The following EPHB1 variants were observed in gnomAD, a reference collection of about 807,000 sequenced individuals.
EPHB1 encodes the protein EPH receptor B1, also known as ephrin type-B receptor 1.
EPHB1 carries 30 observed loss-of-function variants against 94.4 expected under a neutral mutation model. The ratio of observed to expected loss-of-function variants is 0.32; its 90% CI spans 0.24 to 0.43. The LOEUF (loss-of-function observed/expected upper bound fraction) is 0.43, where lower values mean the gene tolerates loss of function less well. Among genes scored for constraint, EPHB1 ranks in the 20% least tolerant of loss-of-function variants. The probability of loss-of-function intolerance (pLI) is 1.00; values close to 1 mark genes in which losing one functional copy is unlikely to be tolerated. For synonymous variants in EPHB1, 522 were observed against 489.1 expected, an observed-to-expected ratio of 1.07 and a Z score of -0.89; for missense variants, 1,055 against 1,308.3, an observed-to-expected ratio of 0.81 and a Z score of 2.99.
At chr3:135,250,255 T>C (rs1053860531) in intron 15 of EPHB1, among the ~76,000 whole-genome samples, 3 of 152,174 alleles carry the variant, frequency 2.0e-5, no homozygotes, top group African/African-American at 7.2e-5. Flanking sequence ...TTAAATACCA[T>C]AGAACCATAT....
At chr3:135,013,794 T>C (rs1935699386) in intron 3 of EPHB1, among the ~76,000 whole-genome samples, 1 of 152,224 alleles carries the variant, frequency 6.6e-6, no homozygotes, top group Non-Finnish European at 1.5e-5. Flanking sequence ...GTTAGCACAT[T>C]GTAAACACTT....
intron 5 of EPHB1, among the ~76,000 whole-genome samples, chr3:135,137,470 C>T (rs1400482207): frequency 3.3e-5 from 5 of 152,164 alleles, no homozygotes; most frequent in African/African-American, 4.8e-5. Flanking sequence ...ATCTGATTAA[C>T]CCAAGTCTTA....
intron 10 of EPHB1, among the ~76,000 whole-genome samples, chr3:135,191,272 C>G (rs1942449381): frequency 6.6e-6 from 1 of 152,182 alleles, no homozygotes; most frequent in Non-Finnish European, 1.5e-5. Context: ...AGCCTCTACT[C>G]CAGCCCCAGG....
chr3:134,986,650 C>T (rs560204571), intron 3 of EPHB1, among the ~76,000 whole-genome samples: 134 of 151,458 alleles, frequency 8.8e-4, no homozygotes, highest in African/African-American at 3.0e-3. Context: ...TCAGACTTTG[C>T]GGCCAAAAAT....
At chr3:134,986,912 C>T (rs1010540547) in intron 3 of EPHB1, among the ~76,000 whole-genome samples, 3 of 152,150 alleles carry the variant, frequency 2.0e-5, no homozygotes, top group Admixed American at 6.5e-5. Flanking sequence ...TTGTGAAAAT[C>T]TCACCACATT....
chr3:135,179,559 AC>A (rs1179647826), intron 9 of EPHB1, among the ~76,000 whole-genome samples: 1 of 152,180 alleles, frequency 6.6e-6, no homozygotes, highest in Non-Finnish European at 1.5e-5. Flanking sequence ...TTCTGTGAGC[AC>A]CCGGTGTGGG....
intron 3 of EPHB1, among the ~76,000 whole-genome samples, chr3:135,054,352 A>T (rs1341978188): frequency 6.6e-6 from 1 of 152,088 alleles, no homozygotes; most frequent in Non-Finnish European, 1.5e-5. Context: ...CAGTCCCCAC[A>T]CTTGCATGAG....
intron 1 of EPHB1, among the ~76,000 whole-genome samples, chr3:134,807,524 TGC>T (rs1553852686): frequency 4.6e-5 from 6 of 130,316 alleles, no homozygotes; most frequent in Non-Finnish European, 1.6e-5. Flanking sequence ...TGTGTGTGTG[TGC>T]ACGTGTGTGT....
intron 1 of EPHB1, among the ~76,000 whole-genome samples, chr3:134,895,618 A>G (rs1418731021): frequency 6.6e-6 from 1 of 152,230 alleles, no homozygotes; most frequent in East Asian, 1.9e-4. Context: ...GCACTTTTCC[A>G]GTTAAAAATG....
In EPHB1 at chr3:135,192,790, C is replaced by T; in HGVS notation, c.2097C>T (p.Phe699=). ...KSRPVMIITE[F]MENGALDSFL... ...GGCCTGTCATGATCATCACAGAGTTCATGGAGAATGGTGCATTGGATTCTT... is the reference window on the plus strand; with the variant it reads ...GGCCTGTCATGATCATCACAGAGTTTATGGAGAATGGTGCATTGGATTCTT... The change falls in exon 11 of 16, where the codon TTC becomes TTT. Residue 699 remains phenylalanine (F), a synonymous_variant. Transcript: ENST00000398015. The T allele has an allele frequency of 6.2e-7, 1 of 1,614,100 alleles. No homozygotes were observed. The highest frequency in any genetic ancestry group is 8.5e-7 in the Non-Finnish European group (1 of 1,180,000).
In EPHB1 at chr3:134,814,202, C is replaced by G. The variant is rs535280774; in HGVS notation, c.58+18513C>G. 4.6e-5 allele frequency among the ~76,000 whole-genome samples: 7 copies of G among 152,282 alleles called. No individual in the cohort carries two copies. In the South Asian group the frequency reaches 1.2e-3, roughly 27 times the overall value. ...AACCTGAATGTCTGGTTGTGGAGAT[C>G]AGACTGATATACCTGTTGCTGGATG... On this transcript the variant is annotated intron_variant, in intron 1 of 15. Coordinates refer to ENST00000398015, the MANE Select transcript of EPHB1 (RefSeq NM_004441.5).
intron 2 of EPHB1, among the ~76,000 whole-genome samples, chr3:134,934,525 G>A (rs2038963599): frequency 6.6e-6 from 1 of 152,172 alleles, no homozygotes; most frequent in African/African-American, 2.4e-5. Context: ...CATTGCTTGT[G>A]GTTGCCTTCA....
intron 3 of EPHB1, among the ~76,000 whole-genome samples, chr3:134,982,448 C>T (rs1934439864): frequency 6.6e-6 from 1 of 152,134 alleles, no homozygotes; most frequent in Non-Finnish European, 1.5e-5. Context: ...GTGGTGTGTT[C>T]CTGCGTGAGA....
At chr3:134,999,183 G>A (rs1378844139) in intron 3 of EPHB1, among the ~76,000 whole-genome samples, 3 of 152,120 alleles carry the variant, frequency 2.0e-5, no homozygotes, top group African/African-American at 7.2e-5. Context: ...TTGAGAAAGT[G>A]GAAGCAGTTA....
intron 12 of EPHB1, among the ~76,000 whole-genome samples, chr3:135,220,562 C>G (rs1231078715): frequency 6.6e-6 from 1 of 150,848 alleles, no homozygotes; most frequent in Non-Finnish European, 1.5e-5. Context: ...GCTCGCCTTT[C>G]CTCATGGCCA....
chr3:134,927,177 A>G (rs2038810790), intron 2 of EPHB1, among the ~76,000 whole-genome samples: 2 of 152,208 alleles, frequency 1.3e-5, no homozygotes, highest in Non-Finnish European at 2.9e-5. Flanking sequence ...TCTCCAGCAT[A>G]GCACATCATC....
chr3:135,201,607 A>G lies in EPHB1; in HGVS notation c.2264A>G (p.Asn755Ser). ...LAARNILVNS[N>S]LVCKVSDFGL... ...GCTAGGAACATTCTGGTCAACAGTA[A>G]CCTGGTGTGCAAGGTGTCCGACTTT... is the stretch of plus-strand genomic sequence containing the variant. The change falls in exon 12 of 16, where the codon AAC becomes AGC. Residue 755 changes from asparagine (N) to serine (S), a missense_variant. Transcript: ENST00000398015. 1 of 1,613,976 alleles carries G rather than the reference A, an allele frequency of 6.2e-7. No homozygotes were observed. The highest frequency in any genetic ancestry group is 8.5e-7 in the Non-Finnish European group (1 of 1,179,968).
chr3:134,834,997 C>T (rs896232080), intron 1 of EPHB1, among the ~76,000 whole-genome samples: 9 of 152,200 alleles, frequency 5.9e-5, no homozygotes, highest in African/African-American at 2.2e-4. Context: ...GCTACTTCCT[C>T]AGTCAAGTGA....
intron 2 of EPHB1, among the ~76,000 whole-genome samples, chr3:134,929,656 G>A (rs2038866484): frequency 6.6e-6 from 1 of 152,170 alleles, no homozygotes; most frequent in African/African-American, 2.4e-5. Flanking sequence ...GGCCCCAGAT[G>A]TAGGTCTCAG....
Sources: gnomAD v4.1 joint callset for allele counts (sites outside exome capture counted in the v4.1 genomes callset) on GRCh38, gnomAD v4.1.1 for gene constraint, MANE v1.5 for transcripts, NCBI Gene and HGNC (gene_info 2026-07-23, HGNC 2026-07-21) for gene names.